Variants in HUWE1 observed in about 807,000 individuals in gnomAD.
The protein encoded by HUWE1 is E3 ubiquitin-protein ligase HUWE1.
A neutral mutation model predicts 299.4 loss-of-function variants in HUWE1; 18 were observed. The observed-to-expected ratio is 0.06, with a 90% CI of 0.04 to 0.09. The LOEUF is 0.09. HUWE1 is among the 10% of genes least tolerant of loss of function. The probability of loss-of-function intolerance (pLI) is 1.00; values close to 1 mark genes in which losing one functional copy is unlikely to be tolerated. For synonymous variants in HUWE1, 1,317 were observed against 1,286.1 expected, an observed-to-expected ratio of 1.02 and a Z score of -0.51; for missense variants, 1,832 against 3,462.3, an observed-to-expected ratio of 0.53 and a Z score of 11.82.
intron 83 of HUWE1, 53 bp downstream of exon 83, chrX:53,533,954 G>A (rs906704745): frequency 4.5e-6 from 5 of 1,105,030 alleles, no homozygotes; most frequent in Non-Finnish European, 6.3e-6. Context: ...AAAACATCAA[G>A]TATGCAAGCT....
At chrX:53,590,907 GA>G (rs1556978272) in intron 34 of HUWE1, 92 bp downstream of exon 34, 2 of 1,058,355 alleles carry the variant, frequency 1.9e-6, no homozygotes, top group Non-Finnish European at 2.6e-6. Flanking sequence ...GCAGTTTATA[GA>G]AAGGAAGACC....
At chrX:53,557,317 G>A (rs375734730) in intron 60 of HUWE1, 65 bp downstream of exon 60, 94 of 993,913 alleles carry the variant, frequency 9.5e-5, no homozygotes, top group African/African-American at 5.7e-4. Context: ...CCAGCTACTC[G>A]GAACTATCAG....
rs1209678250 is a variant in HUWE1, at chrX:53,536,532, G to A, written c.12273C>T (p.Tyr4091=). 2.5e-6 allele frequency: 3 copies of A among 1,209,622 alleles called. No homozygotes were observed. Among genetic ancestry groups the A allele is most frequent in the Non-Finnish European group, 3.4e-6 (3 of 894,954 alleles). ...FRTSPGDRVT[Y]TINPSSHCNP... is the part of the protein sequence containing the mutation. ...TGCAGTGGGAAGATGGATTGATGGT[G>A]TAGGTGACTCGATCACCAGGTGAGG... The change falls in exon 79 of 84, where the codon TAC becomes TAT. Residue 4091 remains tyrosine, a synonymous_variant. Coordinates refer to ENST00000262854, the MANE Select transcript of HUWE1 (RefSeq NM_031407.7).
intron 2 of HUWE1, among the ~76,000 whole-genome samples, chrX:53,684,367 C>CG (rs1557054905): frequency 1.8e-5 from 2 of 111,883 alleles, no homozygotes; most frequent in Admixed American, 1.9e-4. Context: ...GGGAGTTTTT[C>CG]GGGGGAAGGG....
At position 53,645,322 on chromosome X, in the gene HUWE1, G is replaced by A. The variant is rs950396603; in HGVS notation, c.493C>T (p.His165Tyr). 1 of 1,209,025 alleles carries A rather than the reference G, an allele frequency of 8.3e-7. No homozygotes were observed. The highest frequency in any genetic ancestry group is 1.8e-5 in the African/African-American group (1 of 56,901). Residue 165 changes from histidine to tyrosine, a missense_variant, in exon 7 of 84, where the codon CAT (histidine) becomes TAT (tyrosine). His to Tyr is a moderately conservative substitution (Grantham distance 83). This residue lies in a region of HUWE1 where 658 missense variants were observed against 1,282.6 expected (regional missense o/e 0.51). Transcript: ENST00000262854. ...KRTPLLTRLQ[H>Y]LAESWGGKEN... is the part of the protein sequence containing the mutation. The stretch of plus-strand genomic sequence containing the variant: ...CACCCAAGACTCACCTCTGCCAAAT[G>A]TTGTAGCCGAGTTAGCAGCGGGGTC...
In HUWE1 at chrX:53,542,554, G is replaced by A. The variant is rs1232359731; in HGVS notation, c.11380-15C>T. 2.4e-5 allele frequency: 26 copies of A among 1,097,142 alleles called. No homozygotes were observed. The highest frequency in any genetic ancestry group is 3.2e-5 in the Non-Finnish European group (25 of 792,111). 90.4% of individuals were successfully genotyped at this position (1,097,142 alleles called of 1,213,427 possible). On this transcript the variant is annotated splice_polypyrimidine_tract_variant and intron_variant, in intron 73 of 83. Coordinates refer to ENST00000262854, the MANE Select transcript of HUWE1 (RefSeq NM_031407.7). The stretch of plus-strand genomic sequence containing the variant: ...CTAGACTCCGACTGGATAAAAGGGA[G>A]ACAAAAATCACATAAGGGTGCAACT...
In HUWE1 at chrX:53,537,625, C is replaced by T; in HGVS notation, c.12068G>A (p.Arg4023His). 1 of 1,207,817 alleles carries T rather than the reference C, an allele frequency of 8.3e-7. No individual in the cohort carries two copies. The highest frequency in any genetic ancestry group is 1.1e-6 in the Non-Finnish European group (1 of 892,597). ...RKEDMAVHVR[R>H]DHVFEDSYRE... ...ATAGGAGTCTTCAAACACATGGTCA[C>T]GACGGACATGCACAGCCATGTCTTC... is the stretch of plus-strand genomic sequence containing the variant. Residue 4023 changes from arginine (R) to histidine (H), a missense_variant, in exon 78 of 84, where the codon CGT (arginine) becomes CAT (histidine). Physicochemically the swap from Arg to His is conservative, Grantham distance 29. This residue lies in a region of HUWE1 where 129 missense variants were observed against 439.4 expected (regional missense o/e 0.29). Transcript: ENST00000262854.
At chrX:53,575,315 CCA>C (rs1166647702) in intron 45 of HUWE1, 94 bp from the exon 46 acceptor site, 2 of 651,650 alleles carry the variant, frequency 3.1e-6, no homozygotes, top group African/African-American at 4.4e-5. Context: ...GCTGGGAATG[CCA>C]CAGATTCTCT....
chrX:53,600,166 T>G lies in HUWE1; in HGVS notation c.3115A>C (p.Thr1039Pro), dbSNP rs782659687. 1.2e-5 allele frequency: 14 copies of G among 1,210,032 alleles called. No individual in the cohort carries two copies. In the Admixed American group the frequency reaches 3.1e-4, roughly 26 times the overall value. ...TTAATTCTGGCAGCCATTGCTGGTG[T>G]GATTTTAGATTTGCCCTTAGAGTCT... Reference protein sequence around the residue: ...ASDSKGKSKITPAMAARIKQI... With the variant: ...ASDSKGKSKIPPAMAARIKQI... The change falls in exon 29 of 84, where the codon ACA becomes CCA. Residue 1039 changes from threonine to proline, a missense_variant. Physicochemically the swap from Thr to Pro is conservative, Grantham distance 38 (BLOSUM62 -1). This residue lies in a region of HUWE1 where 658 missense variants were observed against 1,282.6 expected (regional missense o/e 0.51). Coordinates refer to ENST00000262854, the MANE Select transcript of HUWE1 (RefSeq NM_031407.7).
At chrX:53,561,722 G>C in intron 55 of HUWE1, 34 bp downstream of exon 55, 1 of 1,210,314 alleles carries the variant, frequency 8.3e-7, no homozygotes, top group Non-Finnish European at 1.1e-6. Flanking sequence ...TAAGAATCAA[G>C]AGAGAAAAAC....
At position 53,534,577 on chromosome X, in the gene HUWE1, A is replaced by G; in HGVS notation, c.12770T>C (p.Ile4257Thr). Residue 4257 changes from isoleucine to threonine, a missense_variant, in exon 82 of 84, where the codon ATT (isoleucine) becomes ACT (threonine). Transcript: ENST00000262854. ...LELLISGLPTIDIDDLKSNTE... is the reference protein window; with the variant it reads ...LELLISGLPTTDIDDLKSNTE... ...GTTGGATTTCAGATCATCGATGTCAATGGTGGGCAGTCCTGATATAAGCAG... is the reference window on the plus strand; with the variant it reads ...GTTGGATTTCAGATCATCGATGTCAGTGGTGGGCAGTCCTGATATAAGCAG... 1 of 1,210,689 alleles carries G rather than the reference A, an allele frequency of 8.3e-7. No homozygotes were observed. The highest frequency in any genetic ancestry group is 1.1e-6 in the Non-Finnish European group (1 of 894,754).
At chrX:53,603,154 A>G (rs1315149868) in intron 27 of HUWE1, among the ~76,000 whole-genome samples, 1 of 111,520 alleles carries the variant, frequency 9.0e-6, no homozygotes, top group Non-Finnish European at 1.9e-5. Flanking sequence ...TCCAGCCACA[A>G]CTCAATTTTT....
At chrX:53,599,791 A>C (rs1007754962) in intron 29 of HUWE1, among the ~76,000 whole-genome samples, 1 of 112,352 alleles carries the variant, frequency 8.9e-6, no homozygotes, top group Non-Finnish European at 1.9e-5. Flanking sequence ...ACTTAGGACA[A>C]GGACGTTGTA....
chrX:53,534,626 T>C lies in HUWE1; in HGVS notation c.12721A>G (p.Ile4241Val). The C allele has an allele frequency of 8.3e-7, 1 of 1,210,649 alleles. No homozygotes were observed. The highest frequency in any genetic ancestry group is 1.1e-6 in the Non-Finnish European group (1 of 894,850). ...YEIIPKRLIS[I>V]FTEQELELLI... is the part of the protein sequence containing the mutation. ...AGCTCTAACTCCTGCTCAGTGAAGA[T>C]GGAAATGAGGCGCTTTGGAATGATC... is the stretch of plus-strand genomic sequence containing the variant. Residue 4241 changes from isoleucine (I) to valine (V), a missense_variant, in exon 82 of 84, where the codon ATC becomes GTC. This residue lies in a region of HUWE1 where 129 missense variants were observed against 439.4 expected (regional missense o/e 0.29). Coordinates refer to ENST00000262854, the MANE Select transcript of HUWE1 (RefSeq NM_031407.7).
chrX:53,679,298 CT>C (rs1405457031), intron 3 of HUWE1, among the ~76,000 whole-genome samples: 2 of 110,463 alleles, frequency 1.8e-5, no homozygotes, highest in Admixed American at 9.5e-5. Flanking sequence ...AAAAACAAAG[CT>C]TAAAAAAAAA....
At chrX:53,534,466 T>G (rs374566791) in intron 82 of HUWE1, 50 bp downstream of exon 82, 15 of 1,089,732 alleles carry the variant, frequency 1.4e-5, no homozygotes, top group Admixed American at 2.4e-5. Context: ...CAAACTAGCG[T>G]TGCCTAGGGT....
At chrX:53,557,192 C>T (rs1367978466) in intron 60 of HUWE1, 190 bp downstream of exon 60, 1 of 558,148 alleles carries the variant, frequency 1.8e-6, no homozygotes, top group Non-Finnish European at 3.3e-6. Flanking sequence ...AGTGTACCAC[C>T]GTGGGAAAGA....
At chrX:53,601,534 T>C (rs1312935913) in intron 28 of HUWE1, among the ~76,000 whole-genome samples, 1 of 110,860 alleles carries the variant, frequency 9.0e-6, no homozygotes, top group Non-Finnish European at 1.9e-5. Flanking sequence ...TAATAGTTTA[T>C]CCTTTTTTAT....
intron 4 of HUWE1, among the ~76,000 whole-genome samples, chrX:53,652,580 TAA>T (rs1448197479): frequency 8.9e-6 from 1 of 112,010 alleles, no homozygotes; most frequent in Non-Finnish European, 1.9e-5. Flanking sequence ...TGTCCTTTAG[TAA>T]AAGACATTCA....
Sources: allele counts gnomAD v4.1 joint callset (sites outside exome capture counted in the v4.1 genomes callset), GRCh38; gene constraint gnomAD v4.1.1; regional missense constraint gnomAD v4.1.1; transcripts MANE v1.5; gene names NCBI Gene and HGNC (gene_info 2026-07-23, HGNC 2026-07-21).